KDM4C: variants seen among roughly 807,000 people sequenced by gnomAD.
The protein encoded by KDM4C is lysine-specific demethylase 4C.
KDM4C carries 81 observed loss-of-function variants against 129.3 expected under a neutral mutation model. The ratio of observed to expected loss-of-function variants is 0.63; its 90% CI spans 0.52 to 0.75. The LOEUF (loss-of-function observed/expected upper bound fraction) is 0.75. KDM4C is among the 30% of genes least tolerant of loss of function. The pLI is 0.00. For synonymous variants in KDM4C, 573 were observed against 456.1 expected (o/e 1.26, Z -3.26); for missense variants, 1,457 against 1,304.0 (o/e 1.12, Z -1.81).
intron 1 of KDM4C, among the ~76,000 whole-genome samples, chr9:6,738,276 A>C (rs1260024477): frequency 1.3e-5 from 2 of 152,170 alleles, no homozygotes; most frequent in Non-Finnish European, 2.9e-5. Context: ...CAGGAGTTTG[A>C]GACTGGCCTG....
In KDM4C at chr9:6,834,256, G is replaced by A. The variant is rs562157479; in HGVS notation, c.436-15251G>A. On this transcript the variant is annotated intron_variant, in intron 4 of 21. Transcript: ENST00000381309. ...TTGCCATGTTGCCCAGGCTGATTTC[G>A]GAACTCCTGAGCTCAAGCAATCTGC... 6.3e-4 allele frequency among the ~76,000 whole-genome samples: 96 copies of A among 152,010 alleles called. 1 individual carries two copies. The highest frequency in any genetic ancestry group is 2.3e-3 in the African/African-American group (94 of 41,456).
intron 8 of KDM4C, among the ~76,000 whole-genome samples, chr9:6,980,650 C>G (rs1439527112): frequency 6.6e-6 from 1 of 152,048 alleles, no homozygotes; most frequent in Non-Finnish European, 1.5e-5. Context: ...AGGCGTGCTT[C>G]CAAATGAGCA....
At chr9:7,156,841 T>C (rs1158664481) in intron 19 of KDM4C, among the ~76,000 whole-genome samples, 4 of 152,228 alleles carry the variant, frequency 2.6e-5, no homozygotes, top group Non-Finnish European at 5.9e-5. Flanking sequence ...TGTGGGTTCT[T>C]TTTTGGTTCC....
chr9:6,896,462 AAC>A (rs1440394017), intron 8 of KDM4C, among the ~76,000 whole-genome samples: 2 of 150,806 alleles, frequency 1.3e-5, no homozygotes. Context: ...TGTAATCACA[AAC>A]ACTATGAAAT....
intron 8 of KDM4C, among the ~76,000 whole-genome samples, chr9:6,896,830 G>A (rs991854588): frequency 5.3e-5 from 8 of 152,180 alleles, no homozygotes; most frequent in African/African-American, 1.9e-4. Flanking sequence ...GACACTGGGA[G>A]GGGTTCAAGG....
intron 6 of KDM4C, among the ~76,000 whole-genome samples, chr9:6,882,620 A>C (rs2381513): frequency 0.031 from 4,680 of 152,328 alleles, 251 homozygotes; most frequent in African/African-American, 0.11. Context: ...TTCAAAGGAC[A>C]GTGTAGTGGA....
chr9:7,067,371 T>C (rs966727859), intron 17 of KDM4C, among the ~76,000 whole-genome samples: 2 of 152,236 alleles, frequency 1.3e-5, no homozygotes, highest in Non-Finnish European at 2.9e-5. Context: ...TTGCTGTACA[T>C]GTGGCGGGTG....
chr9:7,137,949 A>G (rs563677723), intron 19 of KDM4C, among the ~76,000 whole-genome samples: 3 of 152,338 alleles, frequency 2.0e-5, no homozygotes, highest in East Asian at 1.9e-4. Flanking sequence ...AGTCAGTACT[A>G]TCTACTTATT....
chr9:6,829,188 A>G (rs974207455), intron 4 of KDM4C, among the ~76,000 whole-genome samples: 1 of 152,206 alleles, frequency 6.6e-6, no homozygotes, highest in African/African-American at 2.4e-5. Flanking sequence ...CATGAATACT[A>G]CACACAGTAG....
At chr9:7,027,987 C>T (rs1826076717) in intron 15 of KDM4C, among the ~76,000 whole-genome samples, 1 of 152,106 alleles carries the variant, frequency 6.6e-6, no homozygotes, top group Admixed American at 6.5e-5. Flanking sequence ...CCCTTCGGGA[C>T]ACTGGGCTCC....
At chr9:7,153,100 T>C (rs963341653) in intron 19 of KDM4C, among the ~76,000 whole-genome samples, 1 of 152,162 alleles carries the variant, frequency 6.6e-6, no homozygotes, top group African/African-American at 2.4e-5. Flanking sequence ...TAAAAATACT[T>C]TTTCTTCTTT....
chr9:6,948,458 AT>A (rs568217316), intron 8 of KDM4C, among the ~76,000 whole-genome samples: 473 of 117,048 alleles, frequency 4.0e-3, no homozygotes, highest in Admixed American at 4.9e-3. Flanking sequence ...CACTTTCCTC[AT>A]TTTTTTTTTT....
At chr9:6,909,621 A>T (rs1385501645) in intron 8 of KDM4C, among the ~76,000 whole-genome samples, 1 of 152,244 alleles carries the variant, frequency 6.6e-6, no homozygotes, top group Non-Finnish European at 1.5e-5. Flanking sequence ...TGTAAAAAAA[A>T]AATAAAAATA....
chr9:6,735,335 A>T (rs1404742007), intron 1 of KDM4C, among the ~76,000 whole-genome samples: 1 of 152,188 alleles, frequency 6.6e-6, no homozygotes, highest in Non-Finnish European at 1.5e-5. Context: ...AAACTGCCTG[A>T]ATCTAAAAAG....
intron 17 of KDM4C, among the ~76,000 whole-genome samples, chr9:7,081,711 C>T (rs1005665125): frequency 3.9e-5 from 6 of 152,182 alleles, no homozygotes; most frequent in Admixed American, 2.6e-4. Flanking sequence ...ACGATAATTA[C>T]GCTGCATGAG....
chr9:6,809,676 G>A (rs962181646), intron 3 of KDM4C, among the ~76,000 whole-genome samples: 3 of 152,182 alleles, frequency 2.0e-5, no homozygotes, highest in African/African-American at 4.8e-5. Context: ...ATTTCTACCA[G>A]TTACAAAAGT....
intron 8 of KDM4C, among the ~76,000 whole-genome samples, chr9:6,975,169 A>C (rs1032529122): frequency 6.6e-6 from 1 of 152,224 alleles, no homozygotes. Context: ...GAAGCCTGCA[A>C]ATATTCCAGA....
At chr9:6,917,050 C>G (rs775037224) in intron 8 of KDM4C, among the ~76,000 whole-genome samples, 3 of 151,970 alleles carry the variant, frequency 2.0e-5, no homozygotes, top group Admixed American at 6.6e-5. Context: ...TGTTGTTGTT[C>G]AAGAGTTAAA....
At chr9:7,154,198 C>T (rs1297146168) in intron 19 of KDM4C, among the ~76,000 whole-genome samples, 1 of 152,204 alleles carries the variant, frequency 6.6e-6, no homozygotes, top group Non-Finnish European at 1.5e-5. Flanking sequence ...CAGATAGCCA[C>T]TATGATACTT....
Sources: gnomAD v4.1 joint callset for allele counts (sites outside exome capture counted in the v4.1 genomes callset) on GRCh38, gnomAD v4.1.1 for gene constraint, MANE v1.5 for transcripts, NCBI Gene and HGNC (gene_info 2026-07-23, HGNC 2026-07-21) for gene names.